GFOD2: variants seen among roughly 807,000 people sequenced by gnomAD.
GFOD2 encodes the protein glucose-fructose oxidoreductase domain-containing protein 2.
Under a neutral mutation model 24.6 loss-of-function variants are expected in GFOD2, and 9 were observed. That is an observed-to-expected ratio of 0.37 (90% CI 0.22 to 0.64). The LOEUF (loss-of-function observed/expected upper bound fraction) is 0.64. Ranked by LOEUF, GFOD2 falls within the 30% of genes least tolerant of loss-of-function variation. The pLI, the probability that GFOD2 is intolerant of heterozygous loss-of-function variation, is 0.65. For synonymous variants in GFOD2, 211 were observed against 224.8 expected (o/e 0.94, Z 0.55); for missense variants, 476 against 532.5 (o/e 0.89, Z 1.04).
intron 1 of GFOD2, among the ~76,000 whole-genome samples, chr16:67,691,508 A>ACCG (rs1555545727): frequency 1.7e-5 from 2 of 114,378 alleles, no homozygotes; most frequent in African/African-American, 7.8e-5. Context: ...CTGTGCCTAG[A>ACCG]CCCCCCCCCA....
chr16:67,716,299 G>C (rs1344790526), intron 1 of GFOD2, among the ~76,000 whole-genome samples: 2 of 152,158 alleles, frequency 1.3e-5, no homozygotes, highest in Non-Finnish European at 2.9e-5. Context: ...CTTTATTACA[G>C]GCCAGATATG....
chr16:67,701,329 C>T (rs942213222), intron 1 of GFOD2, among the ~76,000 whole-genome samples: 1 of 152,168 alleles, frequency 6.6e-6, no homozygotes, highest in Non-Finnish European at 1.5e-5. Context: ...CAGCTTTATT[C>T]ATAATTGCCA....
chr16:67,706,791 A>G (rs1008896870), intron 1 of GFOD2, among the ~76,000 whole-genome samples: 1 of 152,192 alleles, frequency 6.6e-6, no homozygotes, highest in African/African-American at 2.4e-5. Context: ...CTGAATATAT[A>G]TGTAACAAAG....
Position 67,682,034 on chromosome 16 carries a change from ACTTTT to A in GFOD2, c.259+3418_259+3422del, listed in dbSNP as rs201015136. The A allele has an allele frequency of 3.9e-3, 1,171 of 299,022 alleles. 13 individuals carry two copies. Among genetic ancestry groups the A allele is most frequent in the Non-Finnish European group, 3.0e-3 (617 of 203,054 alleles). 18.5% of individuals were successfully genotyped at this position (299,022 alleles called of 1,614,324 possible). On this transcript the variant is annotated intron_variant, in intron 2 of 2. Transcript: ENST00000268797. ...GTCTCTACAAAAATGTTTTCTTTTT[ACTTTT>A]CTTTTCTTTTTTTTTTGAGATGGAG...
rs56355334 is a variant in GFOD2, at chr16:67,681,810, C to T, written c.259+3647G>A. 14,061 of 985,080 alleles carry T rather than the reference C, an allele frequency of 0.014. 1,066 individuals are homozygous for T. The African/African-American group carries it at 0.18, about 13-fold the overall frequency. The allele number at this position is 985,080 out of a possible 1,614,324, so 61.0% of individuals were successfully genotyped here. On this transcript the variant is annotated intron_variant, in intron 2 of 2. Coordinates refer to ENST00000268797, the MANE Select transcript of GFOD2 (RefSeq NM_030819.4). ...CTCCTGAGGGCTAGCTGTACAGAGT[C>T]TTTGGGTAGCCATGAAAGACATGTC...
In GFOD2 at chr16:67,675,850, C is replaced by A. The variant is rs2053181173; in HGVS notation, c.463G>T (p.Gly155Cys). 8 of 1,614,202 alleles carry A rather than the reference C, an allele frequency of 5.0e-6. No homozygotes were observed. In the East Asian group the frequency reaches 1.8e-4, roughly 36 times the overall value. ...VMICDARIYS[G>C]SLLSPSYGWI... Reference sequence around the variant, plus strand: ...CCATAGCTGGGGCTCAGCAGGCTGCCTGAGTAGATGCGGGCATCACAGATC... The same window carrying A: ...CCATAGCTGGGGCTCAGCAGGCTGCATGAGTAGATGCGGGCATCACAGATC... Residue 155 changes from glycine to cysteine, a missense_variant, in exon 3 of 3, where the codon GGC (glycine) becomes TGC (cysteine). Coordinates refer to ENST00000268797, the MANE Select transcript of GFOD2 (RefSeq NM_030819.4).
chr16:67,719,191 C>A lies in GFOD2; in HGVS notation c.-116G>T, dbSNP rs1399464083. The A allele has an allele frequency of 2.6e-5, 4 of 152,286 alleles. No homozygotes were observed. Among genetic ancestry groups the A allele is most frequent in the African/African-American group, 9.6e-5 (4 of 41,458 alleles). The allele number at this position is 152,286 out of a possible 1,614,324, so 9.4% of individuals were successfully genotyped here. A position where few individuals can be genotyped will look rare whatever the true frequency, so the allele number is the denominator to read the frequency against. On this transcript the variant is annotated 5_prime_UTR_variant, in exon 1 of 3. Coordinates refer to ENST00000268797, the MANE Select transcript of GFOD2 (RefSeq NM_030819.4). ...GCACGCTGGCATCGCCCACTCCGCG[C>A]TGCACTGGAAACCATGGGTCCGACG...
chr16:67,698,858 G>C (rs903577804), intron 1 of GFOD2, among the ~76,000 whole-genome samples: 1 of 152,118 alleles, frequency 6.6e-6, no homozygotes, highest in South Asian at 2.1e-4. Flanking sequence ...GAACCAGTTA[G>C]GATATCAAGT....
rs537244402 is a variant in GFOD2, at chr16:67,680,808, C to T, written c.259+4649G>A. 694 of 974,742 alleles carry T rather than the reference C, an allele frequency of 7.1e-4. 2 individuals are homozygous for T. In the African/African-American group the frequency reaches 1.0e-2, roughly 14 times the overall value. The allele number at this position is 974,742 out of a possible 1,614,324, so 60.4% of individuals were successfully genotyped here. Reference sequence around the variant, plus strand: ...CTTTAAGTTCTAGGGTACATGTGCACAACGTGCAGGTTTGTTACATATGTA... The same window carrying T: ...CTTTAAGTTCTAGGGTACATGTGCATAACGTGCAGGTTTGTTACATATGTA... On this transcript the variant is annotated intron_variant, in intron 2 of 2. Coordinates refer to ENST00000268797, the MANE Select transcript of GFOD2 (RefSeq NM_030819.4).
rs2053184295 is a variant in GFOD2 at position 67,676,205 on chromosome 16, C to T, written c.260-152G>A. 1.1e-5 allele frequency: 8 copies of T among 712,876 alleles called. No homozygotes were observed. In the South Asian group the frequency reaches 1.3e-4, roughly 12 times the overall value. 44.2% of individuals were successfully genotyped at this position (712,876 alleles called of 1,614,324 possible). A position where few individuals can be genotyped will look rare whatever the true frequency, so the allele number is the denominator to read the frequency against. On this transcript the variant is annotated intron_variant, in intron 2 of 2. Coordinates refer to ENST00000268797, the MANE Select transcript of GFOD2 (RefSeq NM_030819.4). ...TAGAGGTGGGGTCTTGCTATGCTGCCCAGGCTAGTCTCAATCTCCTGGCCT... is the reference window on the plus strand; with the variant it reads ...TAGAGGTGGGGTCTTGCTATGCTGCTCAGGCTAGTCTCAATCTCCTGGCCT...
Position 67,691,660 on chromosome 16 carries a change from G to A in GFOD2, c.-87-5858C>T, listed in dbSNP as rs533651193. On this transcript the variant is annotated intron_variant, in intron 1 of 2. Transcript: ENST00000268797. ...ATCTTTTCTGACTGTACCCCCCCAG[G>A]AGCTCCTCCCTCTGCACCTTCTATA... Among the ~76,000 whole-genome samples, 8 of 151,854 alleles carry A rather than the reference G, an allele frequency of 5.3e-5. No individual in the cohort carries two copies. The East Asian group carries it at 9.7e-4, about 18-fold the overall frequency.
chr16:67,714,611 C>A (rs1419515479), intron 1 of GFOD2, among the ~76,000 whole-genome samples: 6 of 151,662 alleles, frequency 4.0e-5, no homozygotes, highest in Non-Finnish European at 7.4e-5. Context: ...ATCTCAAAGC[C>A]AAGTAGAAGT....
intron 1 of GFOD2, among the ~76,000 whole-genome samples, chr16:67,704,374 G>C (rs2053424378): frequency 6.6e-6 from 1 of 152,108 alleles, no homozygotes; most frequent in Non-Finnish European, 1.5e-5. Context: ...GGCATCATCT[G>C]ATTTAACAAT....
At chr16:67,707,190 G>C (rs753012011) in intron 1 of GFOD2, among the ~76,000 whole-genome samples, 4 of 151,750 alleles carry the variant, frequency 2.6e-5, no homozygotes, top group Non-Finnish European at 5.9e-5. Flanking sequence ...GAAACCCCAT[G>C]TCTACTGAAA....
At chr16:67,705,848 G>A (rs527993971) in intron 1 of GFOD2, among the ~76,000 whole-genome samples, 1 of 151,466 alleles carries the variant, frequency 6.6e-6, no homozygotes, top group East Asian at 2.0e-4. Context: ...GCTGAGGCAC[G>A]AGAATCACTT....
intron 1 of GFOD2, among the ~76,000 whole-genome samples, chr16:67,706,220 G>A (rs1738917936): frequency 6.6e-6 from 1 of 151,952 alleles, no homozygotes; most frequent in Non-Finnish European, 1.5e-5. Flanking sequence ...TGTGAGATCT[G>A]CCTGCCTCGG....
chr16:67,685,857 T>C, intron 1 of GFOD2, 55 bp from the exon 2 acceptor site: 1 of 1,056,602 alleles, frequency 9.5e-7, no homozygotes, highest in Non-Finnish European at 1.3e-6. Context: ...CAGCTGAGGC[T>C]ACTTTCTTTT....
chr16:67,703,352 G>A (rs1231364226), intron 1 of GFOD2, among the ~76,000 whole-genome samples: 3 of 152,102 alleles, frequency 2.0e-5, no homozygotes, highest in South Asian at 2.1e-4. Flanking sequence ...GTGGTGAGCC[G>A]AGATAGCGCC....
At chr16:67,714,628 G>A (rs749208112) in intron 1 of GFOD2, among the ~76,000 whole-genome samples, 20 of 152,096 alleles carry the variant, frequency 1.3e-4, no homozygotes, top group Admixed American at 9.2e-4. Context: ...AAGTGTTTTG[G>A]GTTCTATTTT....
Sources: gnomAD v4.1 joint callset for allele counts (sites outside exome capture counted in the v4.1 genomes callset) on GRCh38, gnomAD v4.1.1 for gene constraint, MANE v1.5 for transcripts, NCBI Gene and HGNC (gene_info 2026-07-23, HGNC 2026-07-21) for gene names.